The following NEXMIF variants were observed in gnomAD, a reference collection of about 807,000 sequenced individuals.
The protein encoded by NEXMIF is XLMR protein related to neurite extension.
In NEXMIF, 8 loss-of-function variants were observed where a neutral mutation model predicts 62.1. The observed-to-expected ratio is 0.13, with a 90% CI of 0.08 to 0.23. The LOEUF (loss-of-function observed/expected upper bound fraction) is 0.23. Ranked by LOEUF, NEXMIF falls within the 10% of genes least tolerant of loss-of-function variation. The pLI is 1.00. For synonymous variants in NEXMIF, 404 were observed against 416.6 expected (o/e 0.97, Z 0.37); for missense variants, 976 against 1,113.3 (o/e 0.88, Z 1.75).
At chrX:74,869,420 A>AGATGCC (rs1299945714) in intron 1 of NEXMIF, among the ~76,000 whole-genome samples, 2 of 112,144 alleles carry the variant, frequency 1.8e-5, no homozygotes, top group Admixed American at 1.9e-4. Context: ...AACATGACAA[A>AGATGCC]GATGCCCACT....
At chrX:74,776,041 T>C (rs2080227576) in intron 1 of NEXMIF, among the ~76,000 whole-genome samples, 1 of 111,540 alleles carries the variant, frequency 9.0e-6, no homozygotes, top group African/African-American at 3.3e-5. Context: ...ATATATAGAA[T>C]TTTACCTGGA....
At chrX:74,836,114 C>A (rs1195478117) in intron 1 of NEXMIF, among the ~76,000 whole-genome samples, 1 of 112,481 alleles carries the variant, frequency 8.9e-6, no homozygotes, top group East Asian at 2.8e-4. Flanking sequence ...TGGCCACTGC[C>A]AATGTTCCCT....
intron 1 of NEXMIF, among the ~76,000 whole-genome samples, chrX:74,879,066 G>A (rs780711862): frequency 8.9e-6 from 1 of 112,103 alleles, no homozygotes; most frequent in South Asian, 3.7e-4. Flanking sequence ...ATACCACTGT[G>A]TTACAATTTT....
chrX:74,848,166 G>T (rs1346919067), intron 1 of NEXMIF, among the ~76,000 whole-genome samples: 1 of 111,601 alleles, frequency 9.0e-6, no homozygotes, highest in African/African-American at 3.3e-5. Flanking sequence ...CAAAAAATGT[G>T]TCCTTGTTTA....
intron 1 of NEXMIF, among the ~76,000 whole-genome samples, chrX:74,872,336 C>G (rs949824524): frequency 1.5e-4 from 16 of 108,243 alleles, no homozygotes; most frequent in African/African-American, 5.4e-4. Context: ...GAAAGACAAA[C>G]TTCACATGCT....
At chrX:74,885,593 C>T (rs1207066257) in intron 1 of NEXMIF, among the ~76,000 whole-genome samples, 5 of 111,379 alleles carry the variant, frequency 4.5e-5, no homozygotes, top group Non-Finnish European at 9.4e-5. Context: ...CAAGACTAAA[C>T]CAGGAAGAAG....
chrX:74,863,825 C>T (rs1289951257), intron 1 of NEXMIF, among the ~76,000 whole-genome samples: 1 of 112,030 alleles, frequency 8.9e-6, no homozygotes, highest in Non-Finnish European at 1.9e-5. Context: ...AAACTTCAGG[C>T]CAATATCTCT....
intron 1 of NEXMIF, among the ~76,000 whole-genome samples, chrX:74,755,750 C>A (rs2080157366): frequency 8.9e-6 from 1 of 111,876 alleles, no homozygotes; most frequent in Admixed American, 9.5e-5. Flanking sequence ...TGTAGTGGAG[C>A]CCAGCAGTCA....
chrX:74,797,238 A>C (rs981982490), intron 1 of NEXMIF, among the ~76,000 whole-genome samples: 1 of 112,287 alleles, frequency 8.9e-6, no homozygotes, highest in Non-Finnish European at 1.9e-5. Context: ...GATTAAATGC[A>C]ATGTATTATC....
intron 2 of NEXMIF, among the ~76,000 whole-genome samples, chrX:74,744,897 T>TTCTC (rs776035242): frequency 1.8e-4 from 17 of 96,215 alleles, no homozygotes; most frequent in South Asian, 5.3e-4. Flanking sequence ...TTCTTTTCTT[T>TTCTC]TCTCTCTCTC....
rs868566426 is a variant in NEXMIF, at chrX:74,796,172, T to A, written c.-47-50475A>T. Among the ~76,000 whole-genome samples the A allele has an allele frequency of 6.3e-3, 454 of 71,589 alleles. 1 individual carries two copies. The highest frequency in any genetic ancestry group is 9.5e-3 in the Non-Finnish European group (383 of 40,126). 62.2% of individuals were successfully genotyped at this position (71,589 alleles called of 115,157 possible). On this transcript the variant is annotated intron_variant, in intron 1 of 3. Coordinates refer to ENST00000055682, the MANE Select transcript of NEXMIF (RefSeq NM_001008537.3). Reference sequence around the variant, plus strand: ...ATATATACATATATATTATATATATTATATATATACATATATATTATATAT... The same window carrying A: ...ATATATACATATATATTATATATATAATATATATACATATATATTATATAT...
At chrX:74,858,477 C>T (rs769261059) in intron 1 of NEXMIF, among the ~76,000 whole-genome samples, 7 of 112,165 alleles carry the variant, frequency 6.2e-5, no homozygotes, top group Admixed American at 1.9e-4. Flanking sequence ...TTTGGGGAGC[C>T]CCCTGATGCA....
intron 1 of NEXMIF, among the ~76,000 whole-genome samples, chrX:74,875,151 A>G (rs1013863730): frequency 2.7e-5 from 3 of 110,819 alleles, no homozygotes; most frequent in African/African-American, 6.6e-5. Context: ...AGCTCTTATT[A>G]TTTTGAAACA....
At chrX:74,868,171 T>C (rs2080587009) in intron 1 of NEXMIF, among the ~76,000 whole-genome samples, 1 of 112,135 alleles carries the variant, frequency 8.9e-6, no homozygotes. Flanking sequence ...TTTCACACTG[T>C]TGGTGGGAAT....
At chrX:74,872,799 A>C (rs1031725500) in intron 1 of NEXMIF, among the ~76,000 whole-genome samples, 1 of 110,142 alleles carries the variant, frequency 9.1e-6, no homozygotes, top group Admixed American at 9.7e-5. Flanking sequence ...AAACATATAC[A>C]TACCTACTAT....
intron 1 of NEXMIF, among the ~76,000 whole-genome samples, chrX:74,780,000 T>C (rs1297116708): frequency 8.9e-6 from 1 of 111,910 alleles, no homozygotes. Context: ...TAGGTTCAAT[T>C]ATCATTTAAG....
chrX:74,745,817 T>A, intron 1 of NEXMIF, 120 bp from the exon 2 acceptor site: 1 of 430,796 alleles, frequency 2.3e-6, no homozygotes, highest in Non-Finnish European at 4.1e-6. Flanking sequence ...CCAGATTGAC[T>A]TCATCACTGC....
At chrX:74,753,648 G>A (rs2080150504) in intron 1 of NEXMIF, among the ~76,000 whole-genome samples, 1 of 109,899 alleles carries the variant, frequency 9.1e-6, no homozygotes, top group Admixed American at 9.8e-5. Context: ...TCTGGTTCTA[G>A]AGCTCTGTAT....
chrX:74,834,252 C>CTTGAAAAGTTG (rs1416439539), intron 1 of NEXMIF, among the ~76,000 whole-genome samples: 207 of 110,619 alleles, frequency 1.9e-3, no homozygotes, highest in Middle Eastern at 9.4e-3. Flanking sequence ...GTTGTATTGT[C>CTTGAAAAGTTG]TATGTCTTGA....
Sources: allele counts gnomAD v4.1 joint callset (sites outside exome capture counted in the v4.1 genomes callset), GRCh38; gene constraint gnomAD v4.1.1; transcripts MANE v1.5; gene names NCBI Gene and HGNC (gene_info 2026-07-23, HGNC 2026-07-21).